DISP1: variants seen among roughly 807,000 people sequenced by gnomAD.
DISP1 encodes dispatched RND transporter family member 1, also known as protein dispatched homolog 1.
A neutral mutation model predicts 37.3 loss-of-function variants in DISP1; 30 were observed. The observed-to-expected ratio is 0.80, with a 90% CI of 0.60 to 1.09. The LOEUF is 1.09. DISP1 is among the 50% of genes least tolerant of loss of function. The pLI is 0.00. For missense variants in DISP1, 1,598 were observed against 1,879.5 expected, an observed-to-expected ratio of 0.85 and a Z score of 2.77; for synonymous variants, 634 against 690.2, an observed-to-expected ratio of 0.92 and a Z score of 1.28.
Position 223,003,401 on chromosome 1 carries a change from T to G in DISP1, c.2004T>G (p.Thr668=). ...AGCGGTATCTTCTTAATATATTCAC[T>G]TGCTTCAAAAAGCCCCAGCAGCAAA... is the stretch of plus-strand genomic sequence containing the variant. ...LHERYLLNIF[T]CFKKPQQQIY... Residue 668 remains threonine (T), a synonymous_variant, in exon 9 of 9, where the codon ACT becomes ACG. Transcript: ENST00000675850. The surrounding 1 kb of genome is among the most constrained non-coding windows in gnomAD (Gnocchi z 4.3). The G allele has an allele frequency of 6.2e-7, 1 of 1,614,118 alleles. No homozygotes were observed. The highest frequency in any genetic ancestry group is 8.5e-7 in the Non-Finnish European group (1 of 1,180,020).
In DISP1 at chr1:222,998,283, A is replaced by T. The variant is rs547893597; in HGVS notation, c.987+3301A>T. On this transcript the variant is annotated intron_variant, in intron 8 of 8. Coordinates refer to ENST00000675850, the MANE Select transcript of DISP1 (RefSeq NM_001377229.1). The stretch of plus-strand genomic sequence containing the variant: ...TGTTATATGGAAGCACTTGATTATT[A>T]ACAACTATGAAGTTAAATGGGGCGC... Among the ~76,000 whole-genome samples the T allele has an allele frequency of 3.9e-4, 59 of 151,406 alleles. No homozygotes were observed. In the Middle Eastern group the frequency reaches 0.01, roughly 26 times the overall value.
intron 1 of DISP1, among the ~76,000 whole-genome samples, chr1:222,910,329 C>T (rs902052148): frequency 6.6e-6 from 1 of 152,168 alleles, no homozygotes; most frequent in Non-Finnish European, 1.5e-5. Flanking sequence ...CACTATGGCA[C>T]TCCAGCCTGG....
chr1:222,864,775 G>A (rs1279698238), intron 1 of DISP1, among the ~76,000 whole-genome samples: 1 of 152,064 alleles, frequency 6.6e-6, no homozygotes, highest in Non-Finnish European at 1.5e-5. Context: ...CTGCTGCCAG[G>A]CAAAAAGAAT....
chr1:222,835,076 G>A (rs888540277), intron 1 of DISP1: 2 of 152,052 alleles, frequency 1.3e-5, no homozygotes, highest in Non-Finnish European at 2.9e-5. Context: ...GGGTTTCAGC[G>A]TTTGTTTTTA....
At chr1:222,903,799 T>C (rs1277279055) in intron 1 of DISP1, among the ~76,000 whole-genome samples, 1 of 152,182 alleles carries the variant, frequency 6.6e-6, no homozygotes, top group African/African-American at 2.4e-5. Context: ...TCTATATGTA[T>C]CAGATACCTA....
chr1:222,863,016 G>A (rs1572367988), intron 1 of DISP1, among the ~76,000 whole-genome samples: 1 of 152,142 alleles, frequency 6.6e-6, no homozygotes, highest in South Asian at 2.1e-4. Flanking sequence ...AATATTCCTA[G>A]TTTGGGTTTG....
At chr1:222,892,302 C>G (rs1334299446) in intron 1 of DISP1, among the ~76,000 whole-genome samples, 1 of 152,166 alleles carries the variant, frequency 6.6e-6, no homozygotes, top group African/African-American at 2.4e-5. Flanking sequence ...TGGAGAGGAA[C>G]ACAGGACAGA....
chr1:222,920,899 C>T (rs985420353), intron 1 of DISP1, among the ~76,000 whole-genome samples: 2 of 152,040 alleles, frequency 1.3e-5, no homozygotes, highest in African/African-American at 2.4e-5. Context: ...TGATAAAATG[C>T]ATACGGTTTT....
At position 223,005,330 on chromosome 1, in the gene DISP1, C is replaced by T. The variant is rs747624147; in HGVS notation, c.3933C>T (p.Gly1311=). 1.9e-6 allele frequency: 3 copies of T among 1,613,476 alleles called. No homozygotes were observed. The highest frequency in any genetic ancestry group is 2.5e-6 in the Non-Finnish European group (3 of 1,180,018). ...TTSSFVQIQN[G]VAPLKATHQA... is the part of the protein sequence containing the mutation. Reference sequence around the variant, plus strand: ...GCAGCTTTGTCCAGATCCAAAACGGCGTGGCACCTCTGAAGGCCACACACC... The same window carrying T: ...GCAGCTTTGTCCAGATCCAAAACGGTGTGGCACCTCTGAAGGCCACACACC... Residue 1311 remains glycine, a synonymous_variant, in exon 9 of 9, where the codon GGC becomes GGT. Coordinates refer to ENST00000675850, the MANE Select transcript of DISP1 (RefSeq NM_001377229.1).
chr1:222,826,686 G>C (rs568360623), intron 1 of DISP1, among the ~76,000 whole-genome samples: 2 of 152,130 alleles, frequency 1.3e-5, no homozygotes, highest in South Asian at 4.1e-4. Flanking sequence ...ACCAGACCTG[G>C]CCTACACTTT....
At chr1:222,909,528 A>T (rs1345423724) in intron 1 of DISP1, among the ~76,000 whole-genome samples, 1 of 152,228 alleles carries the variant, frequency 6.6e-6, no homozygotes, top group African/African-American at 2.4e-5. Flanking sequence ...ATCAGCATTT[A>T]TCAACTCTTC....
In DISP1 at chr1:223,005,176, C is replaced by G; in HGVS notation, c.3779C>G (p.Thr1260Ser). Residue 1260 changes from threonine to serine, a missense_variant, in exon 9 of 9, where the codon ACC becomes AGC. By Grantham distance (58) the Thr-to-Ser change is moderately conservative (BLOSUM62 1). Transcript: ENST00000675850. ...ALLQPPLEQH[T>S]VCHFFSLNQR... ...TTACAGCCCCCTCTTGAACAGCATA[C>G]CGTGTGTCACTTCTTCTCTCTGAAT... The G allele has an allele frequency of 6.2e-7, 1 of 1,614,180 alleles. No homozygotes were observed. The highest frequency in any genetic ancestry group is 8.5e-7 in the Non-Finnish European group (1 of 1,180,012).
intron 1 of DISP1, among the ~76,000 whole-genome samples, chr1:222,860,644 T>C (rs1387637490): frequency 6.6e-6 from 1 of 151,914 alleles, no homozygotes; most frequent in Non-Finnish European, 1.5e-5. Flanking sequence ...CCCAGCACTT[T>C]GGGAGGCCGA....
intron 1 of DISP1, among the ~76,000 whole-genome samples, chr1:222,900,282 T>C (rs563663673): frequency 3.5e-4 from 53 of 152,320 alleles, no homozygotes; most frequent in South Asian, 2.7e-3. Flanking sequence ...AGTTTCCTCA[T>C]TGATAAAATG....
intron 1 of DISP1, among the ~76,000 whole-genome samples, chr1:222,843,439 AGTC>A (rs1667720839): frequency 6.6e-6 from 1 of 151,934 alleles, no homozygotes; most frequent in Non-Finnish European, 1.5e-5. Context: ...TTTATAGAGT[AGTC>A]TGTTTCAAAT....
intron 3 of DISP1, among the ~76,000 whole-genome samples, chr1:222,945,059 A>G (rs1261478677): frequency 6.6e-6 from 1 of 152,208 alleles, no homozygotes; most frequent in Non-Finnish European, 1.5e-5. Context: ...GGATTAAGTG[A>G]TAAATACTTT....
chr1:223,004,474 C>G lies in DISP1; in HGVS notation c.3077C>G (p.Ser1026Cys). 6.2e-7 allele frequency: 1 copy of G among 1,614,230 alleles called. No individual in the cohort carries two copies. ...IAGTIFVTVG[S>C]LVLLGWELNV... ...GGAACGATATTTGTCACTGTTGGTTCTCTTGTCCTGCTGGGCTGGGAGCTC... is the reference window on the plus strand; with the variant it reads ...GGAACGATATTTGTCACTGTTGGTTGTCTTGTCCTGCTGGGCTGGGAGCTC... Residue 1026 changes from serine (S) to cysteine (C), a missense_variant, in exon 9 of 9, where the codon TCT becomes TGT. Physicochemically the swap from Ser to Cys is moderately radical, Grantham distance 112. Coordinates refer to ENST00000675850, the MANE Select transcript of DISP1 (RefSeq NM_001377229.1). The surrounding 1 kb of genome is among the most constrained non-coding windows in gnomAD (Gnocchi z 4.9).
At chr1:222,880,975 C>T (rs935353907) in intron 1 of DISP1, among the ~76,000 whole-genome samples, 51 of 152,242 alleles carry the variant, frequency 3.3e-4, no homozygotes, top group African/African-American at 1.2e-3. Context: ...GCAGGAGGCT[C>T]ACCTGAGCTC....
At chr1:222,990,250 G>C (rs1276057650) in intron 4 of DISP1, among the ~76,000 whole-genome samples, 1 of 152,188 alleles carries the variant, frequency 6.6e-6, no homozygotes, top group Non-Finnish European at 1.5e-5. Context: ...TGGATCCTCT[G>C]TTAAAATTTA....
Sources: gnomAD v4.1 joint callset for allele counts (sites outside exome capture counted in the v4.1 genomes callset) on GRCh38, gnomAD v4.1.1 for gene constraint, Gnocchi (gnomAD v3.1) non-coding constraint, MANE v1.5 for transcripts, NCBI Gene and HGNC (gene_info 2026-07-23, HGNC 2026-07-21) for gene names.